FANK1: variants seen among roughly 807,000 people sequenced by gnomAD.
FANK1 encodes fibronectin type III and ankyrin repeat domains 1, also known as fibronectin type 3 and ankyrin repeat domains protein 1.
In FANK1, 44 loss-of-function variants were observed where a neutral mutation model predicts 45.3. The ratio of observed to expected loss-of-function variants is 0.97; its 90% CI spans 0.76 to 1.25. The LOEUF (loss-of-function observed/expected upper bound fraction) is 1.25. FANK1 is among the 50% of genes most tolerant of loss of function. FANK1 has a pLI of 0.00. For synonymous variants in FANK1, 149 were observed against 152.5 expected, an observed-to-expected ratio of 0.98 and a Z score of 0.17; for missense variants, 391 against 424.4, an observed-to-expected ratio of 0.92 and a Z score of 0.69.
intron 7 of FANK1, among the ~76,000 whole-genome samples, chr10:126,007,528 C>G (rs1161782999): frequency 6.6e-6 from 1 of 152,204 alleles, no homozygotes; most frequent in South Asian, 2.1e-4. Flanking sequence ...TAGAAATACC[C>G]TGAAGTGCTC....
chr10:125,990,808 C>A lies in FANK1; in HGVS notation c.316+2133C>A, dbSNP rs761952783. Reference sequence around the variant, plus strand: ...AAAGGAAAGAAGTTTAATGGACTCACAGTTCCACATGGCTGGGGAGGCCTC... The same window carrying A: ...AAAGGAAAGAAGTTTAATGGACTCAAAGTTCCACATGGCTGGGGAGGCCTC... On this transcript the variant is annotated intron_variant, in intron 3 of 10. Transcript: ENST00000368693. Among the ~76,000 whole-genome samples, 4 of 152,178 alleles carry A rather than the reference C, an allele frequency of 2.6e-5. No individual in the cohort carries two copies. In the East Asian group the frequency reaches 7.7e-4, roughly 29 times the overall value.
chr10:125,952,494 T>C (rs1949304495), intron 1 of FANK1, among the ~76,000 whole-genome samples: 2 of 152,124 alleles, frequency 1.3e-5, no homozygotes, highest in South Asian at 4.1e-4. Flanking sequence ...AGAAGATGTT[T>C]TTTACTGAGC....
intron 1 of FANK1, among the ~76,000 whole-genome samples, chr10:125,898,019 A>AAG (rs1564843662): frequency 6.0e-5 from 5 of 83,438 alleles, no homozygotes; most frequent in Non-Finnish European, 5.4e-5. Context: ...AAAAAAAAAA[A>AAG]AAAAAAAAAA....
rs536738299 is a variant in FANK1, at chr10:125,921,845, C to T, written c.13+25190C>T. ...TTGGTAATTTGTGTTTTCTCTTCTT[C>T]CTTTGTCAGTCTGCTAGAGGCTTCC... On this transcript the variant is annotated intron_variant, in intron 1 of 10. Transcript: ENST00000368693. Among the ~76,000 whole-genome samples the T allele has an allele frequency of 9.9e-5, 15 of 152,284 alleles. No homozygotes were observed. In the South Asian group the frequency reaches 3.1e-3, roughly 32 times the overall value.
chr10:125,981,036 GT>G (rs1554941970), intron 2 of FANK1: 1 of 152,324 alleles, frequency 6.6e-6, no homozygotes, highest in Non-Finnish European at 1.5e-5. Flanking sequence ...TTACCTTGTT[GT>G]TTACTTGTTT....
intron 1 of FANK1, among the ~76,000 whole-genome samples, chr10:125,921,875 T>C (rs1203122796): frequency 6.6e-6 from 1 of 152,240 alleles, no homozygotes; most frequent in Non-Finnish European, 1.5e-5. Context: ...GCTTCCTCAT[T>C]TGATTGCTTT....
chr10:125,902,175 T>A (rs185962799), intron 1 of FANK1, among the ~76,000 whole-genome samples: 3 of 152,308 alleles, frequency 2.0e-5, no homozygotes, highest in Admixed American at 2.0e-4. Context: ...GATGAGTTAA[T>A]GGGTGCAGCA....
intron 1 of FANK1, among the ~76,000 whole-genome samples, chr10:125,915,963 C>T (rs563573538): frequency 2.0e-5 from 3 of 152,140 alleles, no homozygotes; most frequent in African/African-American, 7.2e-5. Flanking sequence ...TTGAGATTAG[C>T]AGTTTGTCTG....
At chr10:125,896,821 G>T (rs1390844378) in intron 1 of FANK1, among the ~76,000 whole-genome samples, 166 bp downstream of exon 1, 1 of 152,310 alleles carries the variant, frequency 6.6e-6, no homozygotes, top group African/African-American at 2.4e-5. Context: ...AGGGGAGAAG[G>T]GGGCTACATC....
Position 125,947,734 on chromosome 10 carries a change from G to T in FANK1, c.14-32427G>T, listed in dbSNP as rs1000594489. 2.7e-3 allele frequency among the ~76,000 whole-genome samples: 380 copies of T among 142,820 alleles called. 2 individuals are homozygous for T. The highest frequency in any genetic ancestry group is 9.3e-3 in the African/African-American group (366 of 39,288). 93.7% of individuals were successfully genotyped at this position (142,820 alleles called of 152,430 possible). ...ACAGAAAGTCAACAAGGATACCCAG[G>T]AATTGAACTCAGCTCTGCACCAAGT... On this transcript the variant is annotated intron_variant, in intron 1 of 10. Transcript: ENST00000368693.
At chr10:125,898,468 G>A (rs1270568562) in intron 1 of FANK1, among the ~76,000 whole-genome samples, 5 of 152,122 alleles carry the variant, frequency 3.3e-5, no homozygotes, top group Non-Finnish European at 7.3e-5. Context: ...CTCCCAAGAG[G>A]AAGTAGTACT....
chr10:125,957,505 A>G (rs932753305), intron 1 of FANK1, among the ~76,000 whole-genome samples: 2 of 151,610 alleles, frequency 1.3e-5, no homozygotes, highest in Admixed American at 6.6e-5. Context: ...AGCTTGGTTT[A>G]TGTTAAGCTT....
At chr10:125,912,595 AAT>A (rs1377223690) in intron 1 of FANK1, among the ~76,000 whole-genome samples, 3 of 152,156 alleles carry the variant, frequency 2.0e-5, no homozygotes, top group Non-Finnish European at 4.4e-5. Flanking sequence ...CCTTGGTTAA[AAT>A]ATTCAATCAT....
At chr10:125,941,133 T>C (rs1948428623) in intron 1 of FANK1, among the ~76,000 whole-genome samples, 2 of 152,192 alleles carry the variant, frequency 1.3e-5, no homozygotes, top group Non-Finnish European at 1.5e-5. Context: ...AAAGGTAAAC[T>C]GTAAAGAAAG....
rs190335822 is a variant in FANK1 at position 125,920,708 on chromosome 10, G to A, written c.13+24053G>A. On this transcript the variant is annotated intron_variant, in intron 1 of 10. Coordinates refer to ENST00000368693, the MANE Select transcript of FANK1 (RefSeq NM_145235.5). ...TCCTCACATCTCAGGGCAGCACATC[G>A]TTTGCAGCAATGGTTGGTTCTGTAC... Among the ~76,000 whole-genome samples the A allele has an allele frequency of 3.8e-3, 575 of 152,314 alleles. 8 individuals are homozygous for A. The highest frequency in any genetic ancestry group is 0.028 in the Admixed American group (430 of 15,300).
chr10:125,913,840 G>A (rs1483230798), intron 1 of FANK1, among the ~76,000 whole-genome samples: 2 of 152,140 alleles, frequency 1.3e-5, no homozygotes, highest in African/African-American at 2.4e-5. Context: ...GCCTACCTTC[G>A]TGCCCGGCCT....
chr10:125,955,274 G>A (rs981586612), intron 1 of FANK1, among the ~76,000 whole-genome samples: 16 of 150,978 alleles, frequency 1.1e-4, no homozygotes, highest in African/African-American at 3.9e-4. Flanking sequence ...CCACCTCCCC[G>A]ACAGACCCCA....
chr10:125,934,724 G>GTTT (rs145182884), intron 1 of FANK1, among the ~76,000 whole-genome samples: 2 of 26,456 alleles, frequency 7.6e-5, no homozygotes, highest in East Asian at 2.6e-3. Flanking sequence ...TACCCCTACC[G>GTTT]TTTTTTTTTT....
intron 1 of FANK1, among the ~76,000 whole-genome samples, chr10:125,973,929 C>A (rs1950685639): frequency 6.6e-6 from 1 of 152,074 alleles, no homozygotes; most frequent in Non-Finnish European, 1.5e-5. Context: ...CTTTTGCAAC[C>A]CATGTTTTCC....
Sources: gnomAD v4.1 joint callset for allele counts (sites outside exome capture counted in the v4.1 genomes callset) on GRCh38, gnomAD v4.1.1 for gene constraint, MANE v1.5 for transcripts, NCBI Gene and HGNC (gene_info 2026-07-23, HGNC 2026-07-21) for gene names.